ACAP2: variants seen among roughly 807,000 people sequenced by gnomAD.
ACAP2 encodes the protein arf-GAP with coiled-coil, ANK repeat and PH domain-containing protein 2.
Under a neutral mutation model 115.8 loss-of-function variants are expected in ACAP2, and 39 were observed. That is an observed-to-expected ratio of 0.34 (90% confidence interval 0.26 to 0.44). The LOEUF (loss-of-function observed/expected upper bound fraction) is 0.44, where lower values mean the gene tolerates loss of function less well. Among genes scored for constraint, ACAP2 ranks in the 20% least tolerant of loss-of-function variants. ACAP2 has a pLI of 1.00. For synonymous variants in ACAP2, 289 were observed against 315.8 expected (o/e 0.92, Z 0.90); for missense variants, 662 against 927.6 (o/e 0.71, Z 3.72).
intron 1 of ACAP2, among the ~76,000 whole-genome samples, chr3:195,415,254 T>C (rs754825646): frequency 1.5e-4 from 23 of 151,626 alleles, no homozygotes; most frequent in Non-Finnish European, 7.4e-5. Flanking sequence ...TCAATTTTGC[T>C]GTGAAACTAA....
At chr3:195,403,214 A>G (rs1236404780) in intron 1 of ACAP2, among the ~76,000 whole-genome samples, 2 of 152,212 alleles carry the variant, frequency 1.3e-5, no homozygotes, top group Admixed American at 6.5e-5. Context: ...GGAACGTTCA[A>G]TAGCAAGGAG....
intron 1 of ACAP2, among the ~76,000 whole-genome samples, chr3:195,430,607 C>T (rs556934750): frequency 7.2e-5 from 11 of 152,118 alleles, no homozygotes; most frequent in South Asian, 6.2e-4. Context: ...CCCAGCTACT[C>T]GGGAGGCTGA....
intron 1 of ACAP2, among the ~76,000 whole-genome samples, chr3:195,423,622 C>CAAAAAAAAAAAAAAAAAAAAA (rs59649323): frequency 1.1e-5 from 1 of 92,650 alleles, no homozygotes; most frequent in Non-Finnish European, 2.2e-5. Flanking sequence ...GACTCCGTCT[C>CAAAAAAAAAAAAAAAAAAAAA]AAAAAAAAAA....
chr3:195,311,179 T>C (rs1728746788), intron 10 of ACAP2, among the ~76,000 whole-genome samples: 1 of 147,728 alleles, frequency 6.8e-6, no homozygotes, highest in South Asian at 2.3e-4. Context: ...TCACTGAAAC[T>C]TCCACTTCCT....
intron 16 of ACAP2, among the ~76,000 whole-genome samples, chr3:195,296,781 T>C (rs1345191906): frequency 1.3e-5 from 2 of 152,184 alleles, no homozygotes; most frequent in African/African-American, 4.8e-5. Context: ...ATGCATAAAC[T>C]ATGTGATTAA....
chr3:195,378,148 T>C (rs1324102993), intron 4 of ACAP2, among the ~76,000 whole-genome samples: 3 of 151,886 alleles, frequency 2.0e-5, no homozygotes, highest in Non-Finnish European at 2.9e-5. Context: ...GGAATCTGCT[T>C]AGGTTTCAGG....
intron 15 of ACAP2, among the ~76,000 whole-genome samples, chr3:195,298,546 C>T (rs1727808080): frequency 6.6e-6 from 1 of 152,092 alleles, no homozygotes; most frequent in Admixed American, 6.5e-5. Flanking sequence ...GCATGAGCTA[C>T]CACACCAGCC....
At chr3:195,370,278 G>C (rs1733036357) in intron 4 of ACAP2, among the ~76,000 whole-genome samples, 1 of 152,142 alleles carries the variant, frequency 6.6e-6, no homozygotes, top group Non-Finnish European at 1.5e-5. Context: ...TGCTTTTGTT[G>C]CAATTGCTTT....
At chr3:195,346,488 G>A (rs1427878752) in intron 4 of ACAP2, among the ~76,000 whole-genome samples, 2 of 152,134 alleles carry the variant, frequency 1.3e-5, no homozygotes, top group Admixed American at 6.5e-5. Context: ...CTGTAGGCCT[G>A]CAAATTCAAC....
intron 4 of ACAP2, among the ~76,000 whole-genome samples, chr3:195,346,782 C>A (rs1234286475): frequency 6.6e-6 from 1 of 152,120 alleles, no homozygotes; most frequent in African/African-American, 2.4e-5. Context: ...GTCTTTCAAC[C>A]AGTGAATATA....
intron 10 of ACAP2, among the ~76,000 whole-genome samples, chr3:195,309,111 G>A (rs1577274567): frequency 6.6e-6 from 1 of 152,186 alleles, no homozygotes; most frequent in Admixed American, 6.5e-5. Flanking sequence ...CAGTTATCCT[G>A]TATGCTATCA....
intron 4 of ACAP2, among the ~76,000 whole-genome samples, chr3:195,375,724 G>A (rs1175738816): frequency 6.6e-6 from 1 of 152,050 alleles, no homozygotes; most frequent in African/African-American, 2.4e-5. Context: ...AGGCTCCTAG[G>A]AGAATCACTT....
intron 5 of ACAP2, among the ~76,000 whole-genome samples, chr3:195,344,624 G>C (rs376734428): frequency 4.1e-4 from 62 of 151,910 alleles, no homozygotes; most frequent in African/African-American, 1.4e-3. Context: ...AGGTTCAAGC[G>C]ATTCTCCTGC....
At chr3:195,323,820 C>T (rs1463773945) in intron 9 of ACAP2, among the ~76,000 whole-genome samples, 1 of 147,908 alleles carries the variant, frequency 6.8e-6, no homozygotes, top group Non-Finnish European at 1.5e-5. Flanking sequence ...AAAAAAAAAA[C>T]AGAATGAATG....
chr3:195,328,875 C>T (rs1026247259), intron 8 of ACAP2, among the ~76,000 whole-genome samples: 12 of 152,130 alleles, frequency 7.9e-5, no homozygotes, highest in African/African-American at 2.9e-4. Flanking sequence ...GTCAGTAGAT[C>T]GAGACCATCC....
At chr3:195,301,083 T>G (rs527760621) in intron 15 of ACAP2, among the ~76,000 whole-genome samples, 50 of 152,174 alleles carry the variant, frequency 3.3e-4, no homozygotes, top group Middle Eastern at 3.4e-3. Context: ...CCTTTTTTTT[T>G]TCTTTTTTTC....
intron 15 of ACAP2, among the ~76,000 whole-genome samples, chr3:195,300,489 G>A (rs1184926589): frequency 2.0e-5 from 3 of 152,034 alleles, no homozygotes; most frequent in Non-Finnish European, 4.4e-5. Context: ...AACCGGTAGT[G>A]GTCTAAAATT....
chr3:195,304,664 T>C (rs1319335798), intron 13 of ACAP2, among the ~76,000 whole-genome samples: 3 of 152,174 alleles, frequency 2.0e-5, no homozygotes, highest in Non-Finnish European at 4.4e-5. Flanking sequence ...ACATACAATA[T>C]GCTAAGATAC....
intron 1 of ACAP2, among the ~76,000 whole-genome samples, chr3:195,421,816 C>T (rs759813158): frequency 9.2e-5 from 14 of 152,140 alleles, no homozygotes; most frequent in Non-Finnish European, 2.1e-4. Context: ...TCATACTTCA[C>T]CTGGAAAGAT....
Sources: gnomAD v4.1 joint callset for allele counts (sites outside exome capture counted in the v4.1 genomes callset) on GRCh38, gnomAD v4.1.1 for gene constraint, MANE v1.5 for transcripts, NCBI Gene and HGNC (gene_info 2026-07-23, HGNC 2026-07-21) for gene names.